SORBS2: variants seen among roughly 807,000 people sequenced by gnomAD.
SORBS2 encodes the protein sorbin and SH3 domain containing 2.
In SORBS2, 46 loss-of-function variants were observed where a neutral mutation model predicts 97.7. The ratio of observed to expected loss-of-function variants is 0.47; its 90% CI spans 0.37 to 0.60. SORBS2 has a LOEUF of 0.60. Ranked by LOEUF, SORBS2 falls within the 20% of genes least tolerant of loss-of-function variation. SORBS2 has a pLI of 0.00. For missense variants in SORBS2, 1,316 were observed against 1,282.3 expected, an observed-to-expected ratio of 1.03 and a Z score of -0.40; for synonymous variants, 476 against 473.4, an observed-to-expected ratio of 1.01 and a Z score of -0.07.
At chr4:185,758,143 A>T (rs911630473) in intron 2 of SORBS2, among the ~76,000 whole-genome samples, 1 of 152,240 alleles carries the variant, frequency 6.6e-6, no homozygotes, top group African/African-American at 2.4e-5. Flanking sequence ...GTCCTAACCG[A>T]TAATTTCACA....
chr4:185,876,172 A>G (rs1051481704), intron 1 of SORBS2, among the ~76,000 whole-genome samples: 3 of 152,042 alleles, frequency 2.0e-5, no homozygotes, highest in African/African-American at 7.2e-5. Flanking sequence ...CAGTGGCACG[A>G]TCTCAGCCCT....
At chr4:185,923,589 G>A (rs557828415) in intron 1 of SORBS2, among the ~76,000 whole-genome samples, 5 of 149,394 alleles carry the variant, frequency 3.3e-5, no homozygotes, top group East Asian at 2.0e-4. Context: ...GTGAACCACC[G>A]TGCCTGGCCA....
At chr4:185,737,246 A>G (rs371687901) in intron 2 of SORBS2, among the ~76,000 whole-genome samples, 8 of 152,302 alleles carry the variant, frequency 5.3e-5, no homozygotes, top group African/African-American at 9.6e-5. Context: ...GGTTGGGGGT[A>G]TAAAGAGGTT....
intron 4 of SORBS2, among the ~76,000 whole-genome samples, chr4:185,668,142 A>T (rs2097648434): frequency 1.3e-5 from 2 of 152,198 alleles, no homozygotes; most frequent in South Asian, 4.1e-4. Flanking sequence ...AAATCTAATG[A>T]CTTTAACCCC....
intron 2 of SORBS2, among the ~76,000 whole-genome samples, chr4:185,698,219 T>C (rs1164352432): frequency 1.3e-5 from 2 of 152,230 alleles, no homozygotes; most frequent in African/African-American, 4.8e-5. Flanking sequence ...CTCACGCCTG[T>C]AATCCCAGCA....
At position 185,623,905 on chromosome 4, in the gene SORBS2, G is replaced by A. The variant is rs2096763703; in HGVS notation, c.1224C>T (p.Asp408=). Reference sequence around the variant, plus strand: ...ATTCGGAGATGCGTGTGGGCACCATGTCCCGGGGCACCTCCTCCGTGGAGC... The same window carrying A: ...ATTCGGAGATGCGTGTGGGCACCATATCCCGGGGCACCTCCTCCGTGGAGC... The change falls in exon 7 of 15, where the codon GAC becomes GAT. Residue 408 remains aspartate, a synonymous_variant. Coordinates refer to ENST00000418609, the Ensembl canonical transcript of SORBS2. The surrounding 1 kb of genome is among the most constrained non-coding windows in gnomAD (Gnocchi z 6.4). 1.9e-6 allele frequency: 3 copies of A among 1,614,190 alleles called. No individual in the cohort carries two copies. Among genetic ancestry groups the A allele is most frequent in the Non-Finnish European group, 2.5e-6 (3 of 1,180,042 alleles).
At chr4:185,637,463 C>A (rs1279602509) in intron 4 of SORBS2, among the ~76,000 whole-genome samples, 1 of 152,214 alleles carries the variant, frequency 6.6e-6, no homozygotes, top group Non-Finnish European at 1.5e-5. Context: ...TTAAGCAACA[C>A]GTGACTGTAT....
intron 4 of SORBS2, among the ~76,000 whole-genome samples, chr4:185,667,650 A>ATT (rs2097637718): frequency 4.1e-5 from 6 of 147,884 alleles, no homozygotes; most frequent in South Asian, 2.1e-4. Context: ...ACTTAATATG[A>ATT]TTTTTTTTCT....
rs73019901 is a variant in SORBS2, at chr4:185,895,560, C to T, written c.-338+60636G>A. On this transcript the variant is annotated intron_variant, in intron 1 of 20. Transcript: ENST00000284776. Reference sequence around the variant, plus strand: ...TGCTGCATGGCAGTGGCATCACCCCCGCCAGGATCCCGGGTGCACCGGGCC... The same window carrying T: ...TGCTGCATGGCAGTGGCATCACCCCTGCCAGGATCCCGGGTGCACCGGGCC... Among the ~76,000 whole-genome samples the T allele has an allele frequency of 2.6e-4, 39 of 152,290 alleles. No individual in the cohort carries two copies. In the South Asian group the frequency reaches 7.0e-3, roughly 28 times the overall value.
At chr4:185,835,652 A>AT (rs5864964) in intron 1 of SORBS2, among the ~76,000 whole-genome samples, 2,586 of 122,198 alleles carry the variant, frequency 0.021, 74 homozygotes, top group Admixed American at 0.067. Flanking sequence ...TTTTGAAAGG[A>AT]TTTTTTTTTT....
At chr4:185,824,424 A>G (rs540529143) in intron 1 of SORBS2, among the ~76,000 whole-genome samples, 1 of 152,304 alleles carries the variant, frequency 6.6e-6, no homozygotes, top group African/African-American at 2.4e-5. Context: ...TACATCTGCA[A>G]TGACCCTATT....
chr4:185,679,987 C>T (rs2097847577), intron 2 of SORBS2, among the ~76,000 whole-genome samples: 1 of 152,172 alleles, frequency 6.6e-6, no homozygotes, highest in Admixed American at 6.5e-5. Context: ...ATGATTCCAG[C>T]TCAGGTGAGC....
At chr4:185,825,188 T>C (rs758481885) in intron 1 of SORBS2, among the ~76,000 whole-genome samples, 2 of 134,262 alleles carry the variant, frequency 1.5e-5, no homozygotes, top group Non-Finnish European at 3.2e-5. Flanking sequence ...AATATCTTTA[T>C]TTGTTCATTT....
At chr4:185,866,213 C>T (rs893735945) in intron 1 of SORBS2, among the ~76,000 whole-genome samples, 1 of 152,190 alleles carries the variant, frequency 6.6e-6, no homozygotes, top group African/African-American at 2.4e-5. Flanking sequence ...TCCCTGAGTA[C>T]CAGTGCTGAG....
chr4:185,768,692 C>A (rs2098950661), intron 2 of SORBS2, among the ~76,000 whole-genome samples: 2 of 117,172 alleles, frequency 1.7e-5, no homozygotes. Flanking sequence ...GAGTGAGACT[C>A]TGTCTCAAAA....
chr4:185,928,778 C>A (rs1274928888), intron 1 of SORBS2, among the ~76,000 whole-genome samples: 1 of 152,132 alleles, frequency 6.6e-6, no homozygotes, highest in Non-Finnish European at 1.5e-5. Flanking sequence ...GATCTCCTGA[C>A]CTCGTGATCC....
intron 12 of SORBS2, among the ~76,000 whole-genome samples, chr4:185,609,390 T>G (rs1308127642): frequency 6.6e-6 from 1 of 152,224 alleles, no homozygotes; most frequent in Non-Finnish European, 1.5e-5. Flanking sequence ...AGAAAGATCT[T>G]GAATTCCCTT....
At position 185,652,722 on chromosome 4, in the gene SORBS2, C is replaced by T. The variant is rs750048978; in HGVS notation, c.31G>A (p.Asp11Asn). 7.4e-6 allele frequency: 12 copies of T among 1,613,848 alleles called. No individual in the cohort carries two copies. In the South Asian group the frequency reaches 8.8e-5, roughly 12 times the overall value. The change falls in exon 2 of 15, where the codon GAC becomes AAC. Residue 11 changes from aspartate (D) to asparagine (N), a missense_variant. Physicochemically the swap from Asp to Asn is conservative, Grantham distance 23. Transcript: ENST00000418609. ...GTCTTGTACCAGTCCTTGGGCCGGT[C>T]GACTGTCTGTAATGAAGAGAGCGTC...
chr4:185,929,032 G>A (rs1389523407), intron 1 of SORBS2, among the ~76,000 whole-genome samples: 3 of 152,196 alleles, frequency 2.0e-5, no homozygotes, highest in Non-Finnish European at 4.4e-5. Flanking sequence ...CCACGAGTTT[G>A]CAACTCCTGG....
Sources: allele counts gnomAD v4.1 joint callset (sites outside exome capture counted in the v4.1 genomes callset), GRCh38; gene constraint gnomAD v4.1.1; non-coding constraint Gnocchi (gnomAD v3.1); transcripts MANE v1.5; gene names NCBI Gene and HGNC (gene_info 2026-07-23, HGNC 2026-07-21).